The following SCARA5 variants were observed in gnomAD, a reference collection of about 807,000 sequenced individuals.
SCARA5 encodes scavenger receptor class A, member 5 (putative).
In SCARA5, 45 loss-of-function variants were observed where a neutral mutation model predicts 46.3. That is an observed-to-expected ratio of 0.97 (90% confidence interval 0.76 to 1.24). The LOEUF is 1.24. Ranked by LOEUF, SCARA5 falls within the 50% of genes most tolerant of loss-of-function variation. SCARA5 has a pLI of 0.00. For synonymous variants in SCARA5, 333 were observed against 306.5 expected (o/e 1.09, Z -0.90); for missense variants, 680 against 689.0 (o/e 0.99, Z 0.15).
chr8:27,883,654 G>T (rs556612573), intron 7 of SCARA5, among the ~76,000 whole-genome samples: 10 of 152,282 alleles, frequency 6.6e-5, no homozygotes, highest in East Asian at 5.8e-4. Flanking sequence ...AATCAGCAAG[G>T]TTCCTTCTAG....
chr8:27,886,224 A>G (rs1170502980), intron 7 of SCARA5: 1 of 152,332 alleles, frequency 6.6e-6, no homozygotes, highest in Non-Finnish European at 1.5e-5. Flanking sequence ...GATCCCCTAG[A>G]CTCAGGGCTT....
chr8:27,957,647 G>T (rs1808225991), intron 3 of SCARA5, among the ~76,000 whole-genome samples: 1 of 152,224 alleles, frequency 6.6e-6, no homozygotes, highest in Non-Finnish European at 1.5e-5. Context: ...GCCATTCCCA[G>T]CTGCAGTCCA....
intron 1 of SCARA5, 40 bp from the exon 2 acceptor site, chr8:27,987,670 G>T: frequency 8.3e-7 from 1 of 1,203,632 alleles, no homozygotes; most frequent in Non-Finnish European, 1.2e-6. Context: ...GAGGACGAAG[G>T]CCGGGAGAGA....
At position 27,921,552 on chromosome 8, in the gene SCARA5, A is replaced by G. The variant is rs370703406; in HGVS notation, c.916+19T>C. The G allele has an allele frequency of 2.0e-6, 3 of 1,527,884 alleles. No homozygotes were observed. Among genetic ancestry groups the G allele is most frequent in the Non-Finnish European group, 2.6e-6 (3 of 1,133,822 alleles). The allele number at this position is 1,527,884 out of a possible 1,614,324, so 94.6% of individuals were successfully genotyped here. A position where few individuals can be genotyped will look rare whatever the true frequency, so the allele number is the denominator to read the frequency against. ...ATCAGAAGGGGCCGTGGGTGGAGGC[A>G]GCAAGGGCCTGGCGGTACCTTTCGC... is the stretch of plus-strand genomic sequence containing the variant. On this transcript the variant is annotated intron_variant, in intron 4 of 8. Coordinates refer to ENST00000354914, the MANE Select transcript of SCARA5 (RefSeq NM_173833.6).
At position 27,870,403 on chromosome 8, in the gene SCARA5, G is replaced by T. The variant is rs1459437403; in HGVS notation, c.*1531C>A. 2.0e-5 allele frequency: 3 copies of T among 152,544 alleles called. No individual in the cohort carries two copies. Among genetic ancestry groups the T allele is most frequent in the Non-Finnish European group, 4.4e-5 (3 of 68,030 alleles). 9.4% of individuals were successfully genotyped at this position (152,544 alleles called of 1,614,324 possible). On this transcript the variant is annotated 3_prime_UTR_variant, in exon 9 of 9. Transcript: ENST00000354914. Reference sequence around the variant, plus strand: ...TTCTCATCATTAGGACATTTAAGGAGTGGCAAGCATATTGGAAGCAAGAAT... The same window carrying T: ...TTCTCATCATTAGGACATTTAAGGATTGGCAAGCATATTGGAAGCAAGAAT...
intron 3 of SCARA5, among the ~76,000 whole-genome samples, chr8:27,923,801 T>C (rs1807639072): frequency 6.6e-6 from 1 of 152,098 alleles, no homozygotes; most frequent in Non-Finnish European, 1.5e-5. Context: ...TCTCGATCTC[T>C]TGACCTCATG....
chr8:27,966,342 G>C (rs1808366961), intron 3 of SCARA5, 72 bp downstream of exon 3: 7 of 1,464,478 alleles, frequency 4.8e-6, no homozygotes, highest in Middle Eastern at 4.3e-4. Flanking sequence ...ATGACAGTGG[G>C]AATGAAGAGT....
chr8:27,911,640 G>A (rs1467132080), intron 4 of SCARA5, among the ~76,000 whole-genome samples: 3 of 152,106 alleles, frequency 2.0e-5, no homozygotes, highest in African/African-American at 4.8e-5. Context: ...GCCGTGAGCC[G>A]AGATTGCGCC....
At chr8:27,955,838 G>A (rs1808199060) in intron 3 of SCARA5, among the ~76,000 whole-genome samples, 1 of 152,214 alleles carries the variant, frequency 6.6e-6, no homozygotes, top group South Asian at 2.1e-4. Flanking sequence ...TCGACGACTG[G>A]AGGGGTGCAG....
chr8:27,970,981 A>G (rs1231378084), intron 2 of SCARA5, among the ~76,000 whole-genome samples: 1 of 152,202 alleles, frequency 6.6e-6, no homozygotes, highest in African/African-American at 2.4e-5. Context: ...GCGGCAATAG[A>G]TAACTAACAC....
intron 3 of SCARA5, among the ~76,000 whole-genome samples, chr8:27,951,224 A>T (rs1268965547): frequency 6.6e-6 from 1 of 152,250 alleles, no homozygotes. Flanking sequence ...GAAAGGTCAC[A>T]GTTTAGTGTG....
At chr8:27,920,048 G>C (rs970560395) in intron 4 of SCARA5, among the ~76,000 whole-genome samples, 17 of 151,926 alleles carry the variant, frequency 1.1e-4, no homozygotes, top group Admixed American at 1.1e-3. Flanking sequence ...GAGTGCAGCA[G>C]GAAGGAATTG....
At chr8:27,985,089 C>G (rs946304921) in intron 2 of SCARA5, among the ~76,000 whole-genome samples, 2 of 152,322 alleles carry the variant, frequency 1.3e-5, no homozygotes, top group Non-Finnish European at 2.9e-5. Context: ...AACAGAGATG[C>G]CTACTGTGGT....
chr8:27,898,901 CA>C (rs1807105785), intron 7 of SCARA5, among the ~76,000 whole-genome samples: 8 of 1,454 alleles, frequency 5.5e-3, no homozygotes, highest in Admixed American at 0.05. Context: ...GTGCTGAACA[CA>C]GAACACATCG....
At chr8:27,963,646 G>A (rs530868105) in intron 3 of SCARA5, among the ~76,000 whole-genome samples, 64 of 152,280 alleles carry the variant, frequency 4.2e-4, no homozygotes, top group African/African-American at 1.5e-3. Context: ...GGTAAACTTG[G>A]ATAATGCATA....
intron 7 of SCARA5, among the ~76,000 whole-genome samples, chr8:27,888,390 T>C (rs1042460269): frequency 1.3e-5 from 2 of 152,226 alleles, no homozygotes; most frequent in Non-Finnish European, 2.9e-5. Flanking sequence ...CCTTAACCAA[T>C]TGCAAATCAG....
At chr8:27,947,252 T>A (rs987528591) in intron 3 of SCARA5, among the ~76,000 whole-genome samples, 1 of 152,172 alleles carries the variant, frequency 6.6e-6, no homozygotes, top group Non-Finnish European at 1.5e-5. Context: ...CCTCAGGTGA[T>A]CCACCTGCCT....
At chr8:27,931,581 GAAC>G (rs2129844172) in intron 3 of SCARA5, among the ~76,000 whole-genome samples, 1 of 152,318 alleles carries the variant, frequency 6.6e-6, no homozygotes, top group African/African-American at 2.4e-5. Flanking sequence ...ACCTGAGAAA[GAAC>G]AACAGTGACT....
At position 27,987,672 on chromosome 8, in the gene SCARA5, C is replaced by G. The variant is rs184325057; in HGVS notation, c.-15-42G>C. ...AGGGGAGGAGAGGGAGGACGAAGGC[C>G]GGGAGAGAGACAGAGAATCAACTGT... On this transcript the variant is annotated intron_variant, in intron 1 of 8. Transcript: ENST00000354914. The G allele has an allele frequency of 1.3e-3, 1,497 of 1,173,614 alleles. 14 individuals carry two copies. The African/African-American group carries it at 0.02, about 16-fold the overall frequency. The allele number at this position is 1,173,614 out of a possible 1,614,324, so 72.7% of individuals were successfully genotyped here.
Sources: gnomAD v4.1 joint callset for allele counts (sites outside exome capture counted in the v4.1 genomes callset) on GRCh38, gnomAD v4.1.1 for gene constraint, MANE v1.5 for transcripts, NCBI Gene and HGNC (gene_info 2026-07-23, HGNC 2026-07-21) for gene names.